The following MGAT4C variants were observed in gnomAD, a reference collection of about 807,000 sequenced individuals.
MGAT4C encodes the protein MGAT4 family member C, also known as alpha-1,3-mannosyl-glycoprotein 4-beta-N-acetylglucosaminyltransferase C.
A neutral mutation model predicts 40.1 loss-of-function variants in MGAT4C; 19 were observed. That is an observed-to-expected ratio of 0.47 (90% CI 0.33 to 0.70). MGAT4C has a LOEUF of 0.70. Among genes scored for constraint, MGAT4C ranks in the 30% least tolerant of loss-of-function variants. The pLI is 0.02. For synonymous variants in MGAT4C, 181 were observed against 187.1 expected, an observed-to-expected ratio of 0.97 and a Z score of 0.27; for missense variants, 491 against 563.2, an observed-to-expected ratio of 0.87 and a Z score of 1.30.
chr12:86,700,692 C>A (rs1325660473), intron 2 of MGAT4C, among the ~76,000 whole-genome samples: 2 of 152,014 alleles, frequency 1.3e-5, no homozygotes, highest in South Asian at 2.1e-4. Context: ...CATAACTTTC[C>A]TGTGGAATGC....
chr12:86,804,895 G>T (rs1292026723), intron 1 of MGAT4C, among the ~76,000 whole-genome samples: 2 of 151,900 alleles, frequency 1.3e-5, no homozygotes, highest in Non-Finnish European at 2.9e-5. Flanking sequence ...AGGAGGTGGC[G>T]TCCTAAGTTT....
chr12:86,028,157 C>T (rs888302311), intron 2 of MGAT4C: 1 of 1,288,378 alleles, frequency 7.8e-7, no homozygotes, highest in Non-Finnish European at 1.0e-6. Context: ...TTTCTTACAA[C>T]AAATCTGACC....
chr12:86,022,118 T>C (rs1889795742), intron 2 of MGAT4C, among the ~76,000 whole-genome samples: 1 of 152,244 alleles, frequency 6.6e-6, no homozygotes, highest in Non-Finnish European at 1.5e-5. Context: ...CAAACATTTA[T>C]TGAGTTTATA....
At chr12:86,226,440 T>A (rs555545011) in intron 1 of MGAT4C, among the ~76,000 whole-genome samples, 1 of 152,096 alleles carries the variant, frequency 6.6e-6, no homozygotes, top group African/African-American at 2.4e-5. Context: ...TTCCCTTCCT[T>A]CTTAACACCT....
At chr12:86,539,996 C>G (rs960407829) in intron 2 of MGAT4C, among the ~76,000 whole-genome samples, 5 of 152,060 alleles carry the variant, frequency 3.3e-5, no homozygotes, top group Non-Finnish European at 7.4e-5. Context: ...ATGGTAGTTT[C>G]TTTTGCTGTG....
At chr12:86,074,896 C>T (rs1266111768) in intron 1 of MGAT4C, among the ~76,000 whole-genome samples, 1 of 152,156 alleles carries the variant, frequency 6.6e-6, no homozygotes, top group Non-Finnish European at 1.5e-5. Flanking sequence ...TACCAGATCC[C>T]TCCCACAACA....
chr12:86,408,181 A>G (rs1956513244), intron 3 of MGAT4C, among the ~76,000 whole-genome samples: 1 of 151,990 alleles, frequency 6.6e-6, no homozygotes, highest in Admixed American at 6.6e-5. Flanking sequence ...GTTTGAATGC[A>G]CACATGGGTG....
At position 86,460,493 on chromosome 12, in the gene MGAT4C, C is replaced by T. The variant is rs182765279; in HGVS notation, c.-228-25228G>A. On this transcript the variant is annotated intron_variant, in intron 2 of 7. Coordinates refer to the MGAT4C transcript ENST00000548651. The stretch of plus-strand genomic sequence containing the variant: ...AAAAGATAGTACTTTATGAATATCA[C>T]ATTAAAACTTATTATTAATAAATGG... Among the ~76,000 whole-genome samples the T allele has an allele frequency of 1.8e-3, 268 of 152,246 alleles. 2 individuals are homozygous for T. The highest frequency in any genetic ancestry group is 6.1e-3 in the African/African-American group (254 of 41,544).
intron 2 of MGAT4C, among the ~76,000 whole-genome samples, chr12:86,696,932 C>T (rs1950270566): frequency 6.6e-6 from 1 of 151,958 alleles, no homozygotes; most frequent in Admixed American, 6.6e-5. Context: ...TAGAAGACAA[C>T]CCGTTCCTAA....
intron 1 of MGAT4C, among the ~76,000 whole-genome samples, chr12:86,768,057 G>A (rs1177012484): frequency 6.6e-6 from 1 of 152,274 alleles, no homozygotes; most frequent in East Asian, 1.9e-4. Context: ...TATTCAATTA[G>A]GAAAAGAGGA....
In MGAT4C at chr12:85,961,922, AT is replaced by A. The variant is rs1173642656; in HGVS notation, c.*17366del. ...AAGAGTTAATTACCCATTGTCAAAA[AT>A]CATTGCCCATCAAAGCAGTGAGACT... On this transcript the variant is annotated 3_prime_UTR_variant, in exon 5 of 5. Coordinates refer to ENST00000611864, the MANE Select transcript of MGAT4C (RefSeq NM_001351288.2). 1 of 151,840 alleles carries A rather than the reference AT, an allele frequency of 6.6e-6. No individual in the cohort carries two copies. Among genetic ancestry groups the A allele is most frequent in the African/African-American group, 2.4e-5 (1 of 41,428 alleles). 9.4% of individuals were successfully genotyped at this position (151,840 alleles called of 1,614,324 possible). A position where few individuals can be genotyped will look rare whatever the true frequency, so the allele number is the denominator to read the frequency against.
chr12:86,545,910 C>T (rs1419812809), intron 2 of MGAT4C, among the ~76,000 whole-genome samples: 1 of 151,910 alleles, frequency 6.6e-6, no homozygotes, highest in Non-Finnish European at 1.5e-5. Flanking sequence ...AATAACAACA[C>T]TACTTGAAGC....
At chr12:86,434,116 C>T (rs1007541550) in intron 3 of MGAT4C, among the ~76,000 whole-genome samples, 2 of 151,830 alleles carry the variant, frequency 1.3e-5, no homozygotes, top group African/African-American at 4.8e-5. Context: ...ATTTAAATCT[C>T]ATAGATATAT....
intron 4 of MGAT4C, among the ~76,000 whole-genome samples, chr12:86,280,194 T>G (rs1367655159): frequency 5.3e-5 from 8 of 152,078 alleles, no homozygotes; most frequent in Non-Finnish European, 1.5e-5. Context: ...ATTTTTTTGT[T>G]GATTTTCTGC....
intron 3 of MGAT4C, among the ~76,000 whole-genome samples, chr12:86,361,973 A>T (rs1955485217): frequency 6.6e-6 from 1 of 152,258 alleles, no homozygotes; most frequent in Non-Finnish European, 1.5e-5. Context: ...TGATCCAGCC[A>T]TCCCATTACT....
At chr12:86,611,101 G>A (rs2136474520) in intron 2 of MGAT4C, among the ~76,000 whole-genome samples, 1 of 152,130 alleles carries the variant, frequency 6.6e-6, no homozygotes, top group East Asian at 1.9e-4. Context: ...GAGGCTGTCA[G>A]CTAACGACTC....
At position 86,657,871 on chromosome 12, in the gene MGAT4C, A is replaced by G. The variant is rs576181982; in HGVS notation, c.-229+69338T>C. ...TTCTTTGAAAATTAAAGCACACAAT[A>G]ACCTAAAAACAGTGGTTCCCCAGGC... is the stretch of plus-strand genomic sequence containing the variant. On this transcript the variant is annotated intron_variant, in intron 2 of 7. Transcript: ENST00000548651. Among the ~76,000 whole-genome samples the G allele has an allele frequency of 2.6e-5, 4 of 152,052 alleles. No homozygotes were observed. In the South Asian group the frequency reaches 8.3e-4, roughly 32 times the overall value.
intron 4 of MGAT4C, among the ~76,000 whole-genome samples, chr12:86,298,705 A>G (rs2136136969): frequency 6.6e-6 from 1 of 152,262 alleles, no homozygotes; most frequent in African/African-American, 2.4e-5. Context: ...GAAAAAACAT[A>G]CTGAGAAACC....
intron 2 of MGAT4C, among the ~76,000 whole-genome samples, chr12:86,484,248 G>A (rs1957981755): frequency 6.6e-6 from 1 of 152,136 alleles, no homozygotes; most frequent in South Asian, 2.1e-4. Context: ...CACCACCATA[G>A]GCACCCTTCT....
Sources: gnomAD v4.1 joint callset for allele counts (sites outside exome capture counted in the v4.1 genomes callset) on GRCh38, gnomAD v4.1.1 for gene constraint, MANE v1.5 for transcripts, NCBI Gene and HGNC (gene_info 2026-07-23, HGNC 2026-07-21) for gene names.